Variants in RBM4B observed in about 807,000 individuals in gnomAD.
The protein encoded by RBM4B is RNA binding motif protein 4B, also known as RNA-binding protein 4B.
RBM4B carries 13 observed loss-of-function variants against 28.5 expected under a neutral mutation model. The ratio of observed to expected loss-of-function variants is 0.46; its 90% CI spans 0.30 to 0.72. The LOEUF is 0.72. Ranked by LOEUF, RBM4B falls within the 30% of genes least tolerant of loss-of-function variation. The pLI is 0.09. For synonymous variants in RBM4B, 167 were observed against 179.1 expected, an observed-to-expected ratio of 0.93 and a Z score of 0.54; for missense variants, 387 against 477.6, an observed-to-expected ratio of 0.81 and a Z score of 1.77.
rs372833572 is a variant in RBM4B, at chr11:66,667,394, C to T, written c.*9+1221G>A. On this transcript the variant is annotated intron_variant, in intron 3 of 3. Transcript: ENST00000310046. ...ACACATCTGAAAATTACCAGTTTAT[C>T]TAACTCCTTAAATGTTCCTCTCTTC... is the stretch of plus-strand genomic sequence containing the variant. 5.9e-5 allele frequency: 9 copies of T among 152,252 alleles called. No homozygotes were observed. In the East Asian group the frequency reaches 1.2e-3, roughly 20 times the overall value. The allele number at this position is 152,252 out of a possible 1,614,324, so 9.4% of individuals were successfully genotyped here.
intron 2 of RBM4B, 151 bp from the exon 3 acceptor site, chr11:66,669,442 A>G: frequency 1.3e-6 from 1 of 768,564 alleles, no homozygotes; most frequent in Middle Eastern, 2.4e-4. Context: ...AAAGTAGTTG[A>G]AGTTTTTTTG....
At position 66,665,334 on chromosome 11, in the gene RBM4B, A is replaced by G. The variant is rs1183484843; in HGVS notation, c.*254T>C. ...TGCACAGGAAAAAGGGGATGCCAGC[A>G]TAATCCTTACCTAGGGCTGCTCAGA... On this transcript the variant is annotated 3_prime_UTR_variant, in exon 4 of 4. Transcript: ENST00000310046. 7.2e-6 allele frequency: 4 copies of G among 552,750 alleles called. No homozygotes were observed. The highest frequency in any genetic ancestry group is 1.3e-5 in the Non-Finnish European group (4 of 311,064). The allele number at this position is 552,750 out of a possible 1,614,324, so 34.2% of individuals were successfully genotyped here. A position where few individuals can be genotyped will look rare whatever the true frequency, so the allele number is the denominator to read the frequency against.
rs781280864 is a variant in RBM4B at position 66,676,653 on chromosome 11, C to A, written c.412+15G>T. The A allele has an allele frequency of 6.2e-7, 1 of 1,613,284 alleles. No individual in the cohort carries two copies. The highest frequency in any genetic ancestry group is 8.5e-7 in the Non-Finnish European group (1 of 1,179,378). On this transcript the variant is annotated intron_variant, in intron 2 of 3. Transcript: ENST00000310046. The stretch of plus-strand genomic sequence containing the variant: ...ACCCCACTCGGCGCTACTACCCAGG[C>A]CCAGAGCAGTTCACCTTGAAACTCT...
At chr11:66,666,121 C>T in intron 3 of RBM4B, 2 of 793,704 alleles carry the variant, frequency 2.5e-6, no homozygotes, top group South Asian at 4.0e-5. Flanking sequence ...CACACTGTCA[C>T]AGAGTGAGAG....
At position 66,668,622 on chromosome 11, in the gene RBM4B, T is replaced by G. The variant is rs565580785; in HGVS notation, c.*2A>C. 1 of 1,593,564 alleles carries G rather than the reference T, an allele frequency of 6.3e-7. No homozygotes were observed. The highest frequency in any genetic ancestry group is 2.3e-5 in the East Asian group (1 of 44,368). On this transcript the variant is annotated 3_prime_UTR_variant, in exon 3 of 4. Coordinates refer to ENST00000310046, the MANE Select transcript of RBM4B (RefSeq NM_031492.4). Reference sequence around the variant, plus strand: ...TTCCCACCCATCTCTCACCTCCAGTTTTTAAAAGGCTGAGTACCGGGCTCG... The same window carrying G: ...TTCCCACCCATCTCTCACCTCCAGTGTTTAAAAGGCTGAGTACCGGGCTCG...
At chr11:66,672,626 G>T (rs1939504283) in intron 2 of RBM4B, among the ~76,000 whole-genome samples, 1 of 151,330 alleles carries the variant, frequency 6.6e-6, no homozygotes, top group Non-Finnish European at 1.5e-5. Flanking sequence ...CTCCCGAGTA[G>T]CTGGGACTGC....
rs1211701533 is a variant in RBM4B at position 66,665,365 on chromosome 11, AGAATATAAG to A, written c.*214_*222del. The A allele has an allele frequency of 2.0e-5, 12 of 592,704 alleles. No homozygotes were observed. The Middle Eastern group carries it at 1.7e-3, about 83-fold the overall frequency. 36.7% of individuals were successfully genotyped at this position (592,704 alleles called of 1,614,324 possible). ...CTTACCTAGGGCTGCTCAGAGGCTG[AGAATATAAG>A]GAACAGAGTGAAAGGCTACAGAGAC... On this transcript the variant is annotated 3_prime_UTR_variant, in exon 4 of 4. Transcript: ENST00000310046.
intron 2 of RBM4B, 87 bp from the exon 3 acceptor site, chr11:66,669,378 C>T (rs951642146): frequency 1.1e-4 from 136 of 1,262,392 alleles, no homozygotes; most frequent in Non-Finnish European, 1.5e-4. Context: ...AATTAGTTGT[C>T]ATAAGACACA....
chr11:66,675,892 A>T (rs1191107837), intron 2 of RBM4B: 2 of 152,258 alleles, frequency 1.3e-5, no homozygotes, highest in Non-Finnish European at 2.9e-5. Flanking sequence ...TGTGGTTACC[A>T]TATTAGCACA....
At position 66,668,866 on chromosome 11, in the gene RBM4B, C is replaced by T. The variant is rs1939354658; in HGVS notation, c.838G>A (p.Gly280Ser). 3.7e-6 allele frequency: 6 copies of T among 1,614,174 alleles called. No homozygotes were observed. The highest frequency in any genetic ancestry group is 4.2e-6 in the Non-Finnish European group (5 of 1,180,028). Residue 280 changes from glycine (G) to serine (S), a missense_variant, in exon 3 of 4, where the codon GGC becomes AGC. Physicochemically the swap from Gly to Ser is moderately conservative, Grantham distance 56. Transcript: ENST00000310046. ...PYDRHLLPNSGAAATSAAMAA... is the reference protein window; with the variant it reads ...PYDRHLLPNSSAAATSAAMAA... ...ATAGCAGCTGAAGTGGCAGCAGCGC[C>T]AGAGTTTGGCAATAGGTGTCTGTCA... is the stretch of plus-strand genomic sequence containing the variant.
chr11:66,672,007 C>T (rs548839244), intron 2 of RBM4B, among the ~76,000 whole-genome samples: 1 of 152,056 alleles, frequency 6.6e-6, no homozygotes, highest in Non-Finnish European at 1.5e-5. Context: ...TCAGCCCCCT[C>T]AAAGTGCTGG....
intron 2 of RBM4B, among the ~76,000 whole-genome samples, chr11:66,673,281 T>C (rs1939528252): frequency 6.6e-6 from 1 of 152,144 alleles, no homozygotes; most frequent in Non-Finnish European, 1.5e-5. Flanking sequence ...CAATACAAAC[T>C]ATGTGTCTAA....
chr11:66,674,086 T>C (rs1383392233), intron 2 of RBM4B, among the ~76,000 whole-genome samples: 4 of 151,926 alleles, frequency 2.6e-5, no homozygotes, highest in African/African-American at 9.7e-5. Flanking sequence ...TCCACTGCAT[T>C]ATTCAGATAC....
chr11:66,669,389 T>C (rs187877778), intron 2 of RBM4B, 98 bp from the exon 3 acceptor site: 66 of 1,154,586 alleles, frequency 5.7e-5, no homozygotes, highest in Middle Eastern at 4.0e-4. Context: ...ATAAGACACA[T>C]AGACGCACAC....
Position 66,672,469 on chromosome 11 carries a change from A to G in RBM4B, c.413-3178T>C, listed in dbSNP as rs181158093. Among the ~76,000 whole-genome samples the G allele has an allele frequency of 1.6e-3, 235 of 146,858 alleles. 3 individuals carry two copies. The highest frequency in any genetic ancestry group is 0.015 in the Admixed American group (213 of 14,672). On this transcript the variant is annotated intron_variant, in intron 2 of 3. Transcript: ENST00000310046. ...AAAACAACCAGTCCTTCCAACGGTT[A>G]TAATTAGCCTTTTAATTTATTTTTA... is the stretch of plus-strand genomic sequence containing the variant.
In RBM4B at chr11:66,676,864, A is replaced by T; in HGVS notation, c.216T>A (p.Asn72Lys). Residue 72 changes from asparagine to lysine, a missense_variant, in exon 2 of 4, where the codon AAT (asparagine) becomes AAA (lysine). This residue lies in a region of RBM4B where 161 missense variants were observed against 256.9 expected (regional missense o/e 0.63). Transcript: ENST00000310046. The part of the protein sequence containing the change: ...GVNINVEASK[N>K]KSKASTKLHV... ...GTAACTTGGTTGAAGCTTTGCTCTTATTCTTGCTGGCTTCCACGTTGATGT... is the reference window on the plus strand; with the variant it reads ...GTAACTTGGTTGAAGCTTTGCTCTTTTTCTTGCTGGCTTCCACGTTGATGT... The T allele has an allele frequency of 6.2e-7, 1 of 1,614,124 alleles. No individual in the cohort carries two copies.
chr11:66,669,019 A>G lies in RBM4B; in HGVS notation c.685T>C (p.Tyr229His), dbSNP rs142896309. The change falls in exon 3 of 4, where the codon TAT becomes CAT. Residue 229 changes from tyrosine (Y) to histidine (H), a missense_variant. This residue lies in a region of RBM4B where 226 missense variants were observed against 220.6 expected (regional missense o/e 1.02). Coordinates refer to ENST00000310046, the MANE Select transcript of RBM4B (RefSeq NM_031492.4). ...DYYKRYRVRS[Y>H]EAVAAAAAAS... ...GCTGCCGCCGCTGCTACTGCCTCATAAGAGCGGACCCGGTATCGCTTATAG... is the reference window on the plus strand; with the variant it reads ...GCTGCCGCCGCTGCTACTGCCTCATGAGAGCGGACCCGGTATCGCTTATAG... 5.7e-5 allele frequency: 92 copies of G among 1,614,216 alleles called. No individual in the cohort carries two copies. In the Middle Eastern group the frequency reaches 9.9e-4, roughly 17 times the overall value.
At chr11:66,670,885 GAGAA>G in intron 2 of RBM4B, 1 of 702,204 alleles carries the variant, frequency 1.4e-6, no homozygotes. Flanking sequence ...AAGGACTGCT[GAGAA>G]CAAATCCCCC....
chr11:66,671,029 T>G, intron 2 of RBM4B: 2 of 702,558 alleles, frequency 2.8e-6, no homozygotes, highest in South Asian at 3.0e-5. Context: ...AACAGTGCCA[T>G]GCACTGACCC....
Sources: allele counts gnomAD v4.1 joint callset (sites outside exome capture counted in the v4.1 genomes callset), GRCh38; gene constraint gnomAD v4.1.1; regional missense constraint gnomAD v4.1.1; transcripts MANE v1.5; gene names NCBI Gene and HGNC (gene_info 2026-07-23, HGNC 2026-07-21).